The following PTCH1 variants were observed in gnomAD, a reference collection of about 807,000 sequenced individuals.
PTCH1 encodes protein patched homolog 1.
In PTCH1, 14 loss-of-function variants were observed where a neutral mutation model predicts 144.6. The ratio of observed to expected loss-of-function variants is 0.10; its 90% CI spans 0.06 to 0.15. The LOEUF is 0.15. PTCH1 is among the 10% of genes least tolerant of loss of function. The pLI, the probability that PTCH1 is intolerant of heterozygous loss-of-function variation, is 1.00. For synonymous variants in PTCH1, 833 were observed against 793.6 expected (o/e 1.05, Z -0.83); for missense variants, 1,623 against 1,948.3 (o/e 0.83, Z 3.14).
intron 2 of PTCH1, among the ~76,000 whole-genome samples, chr9:95,486,608 C>A (rs1047055287): frequency 2.0e-5 from 3 of 152,246 alleles, no homozygotes; most frequent in Non-Finnish European, 4.4e-5. Flanking sequence ...CTGCCCAGGC[C>A]GAGAAGTCCT....
intron 12 of PTCH1, among the ~76,000 whole-genome samples, chr9:95,475,275 CCT>C (rs1428429956): frequency 6.6e-6 from 1 of 152,122 alleles, no homozygotes; most frequent in African/African-American, 2.4e-5. Flanking sequence ...TAGAAAATAC[CCT>C]GACGGCCTCT....
intron 2 of PTCH1, among the ~76,000 whole-genome samples, chr9:95,504,626 G>A (rs1354296942): frequency 6.6e-6 from 1 of 152,026 alleles, no homozygotes; most frequent in Non-Finnish European, 1.5e-5. Flanking sequence ...TTCTGTCCTA[G>A]AATCTACGGC....
intron 22 of PTCH1, among the ~76,000 whole-genome samples, chr9:95,447,786 G>A (rs1030079796): frequency 3.5e-4 from 53 of 152,226 alleles, no homozygotes; most frequent in Admixed American, 3.5e-3. Context: ...TGCAGGCTCT[G>A]AGCTGCCCCT....
rs1365396085 is a variant in PTCH1 at position 95,443,080 on chromosome 9, G to GTTAAC, written c.*3308_*3312dup. The GTTAAC allele has an allele frequency of 6.6e-6, 1 of 152,172 alleles. No individual in the cohort carries two copies. Among genetic ancestry groups the GTTAAC allele is most frequent in the East Asian group, 1.9e-4 (1 of 5,198 alleles). 9.4% of individuals were successfully genotyped at this position (152,172 alleles called of 1,614,324 possible). On this transcript the variant is annotated 3_prime_UTR_variant, in exon 24 of 24. Transcript: ENST00000331920. The stretch of plus-strand genomic sequence containing the variant: ...GATGACAGAAGGACTAATTTTGATG[G>GTTAAC]TTAACTTAGGAAGTTTCTTGGTATG...
At chr9:95,505,711 T>C (rs1843526124) in intron 2 of PTCH1, among the ~76,000 whole-genome samples, 1 of 149,042 alleles carries the variant, frequency 6.7e-6, no homozygotes, top group Non-Finnish European at 1.5e-5. Context: ...GAAACATTAA[T>C]CTACTTTGCA....
Position 95,456,725 on chromosome 9 carries a change from T to C in PTCH1, c.3169-312A>G, listed in dbSNP as rs374932123. Among the ~76,000 whole-genome samples the C allele has an allele frequency of 3.6e-4, 55 of 152,084 alleles. 1 individual carries two copies. The highest frequency in any genetic ancestry group is 1.3e-3 in the African/African-American group (53 of 41,408). On this transcript the variant is annotated intron_variant, in intron 18 of 23. Coordinates refer to ENST00000331920, the MANE Select transcript of PTCH1 (RefSeq NM_000264.5). Reference sequence around the variant, plus strand: ...CTCCACCAGCGCAATCCACGAGGAATTGCACAAGCATGGCCGCATCACTTA... The same window carrying C: ...CTCCACCAGCGCAATCCACGAGGAACTGCACAAGCATGGCCGCATCACTTA...
chr9:95,465,868 G>A (rs1839951931), intron 15 of PTCH1, among the ~76,000 whole-genome samples: 2 of 152,196 alleles, frequency 1.3e-5, no homozygotes, highest in African/African-American at 2.4e-5. Context: ...TAATTATCCT[G>A]ATTCTCTACT....
chr9:95,508,069 G>A (rs1464138189), intron 1 of PTCH1, 92 bp downstream of exon 1: 9 of 1,579,056 alleles, frequency 5.7e-6, no homozygotes, highest in East Asian at 4.6e-5. Flanking sequence ...GAGAGAGAGA[G>A]GAAGAGAGTG....
chr9:95,482,908 TAATGAATGAATGA>T (rs1300760844), intron 3 of PTCH1: 1 of 152,656 alleles, frequency 6.6e-6, no homozygotes, highest in African/African-American at 2.4e-5. Flanking sequence ...CCTATCTCTA[TAATGAATGAATGA>T]AATGAATGAA....
chr9:95,505,626 A>C (rs917014237), intron 2 of PTCH1, among the ~76,000 whole-genome samples: 5 of 152,118 alleles, frequency 3.3e-5, no homozygotes, highest in African/African-American at 4.8e-5. Flanking sequence ...GCGTTCTTAA[A>C]ACATTTCTTT....
Position 95,449,117 on chromosome 9 carries a change from G to A in PTCH1, c.3756C>T (p.His1252=), listed in dbSNP as rs768484663. 5 of 1,614,222 alleles carry A rather than the reference G, an allele frequency of 3.1e-6. No individual in the cohort carries two copies. The East Asian group carries it at 8.9e-5, about 29-fold the overall frequency. The part of the protein sequence containing the change: ...EAQQGAGGPA[H]QVIVEATENP... ...TTTCTGTGGCTTCCACGATCACTTG[G>A]TGGGCAGGGCCTCCCGCGCCCTGCT... Residue 1252 remains histidine (H), a synonymous_variant, in exon 22 of 24, where the codon CAC becomes CAT. Coordinates refer to ENST00000331920, the MANE Select transcript of PTCH1 (RefSeq NM_000264.5). The surrounding 1 kb of genome is among the most constrained non-coding windows in gnomAD (Gnocchi z 5.3).
chr9:95,508,183 A>G lies in PTCH1; in HGVS notation c.179T>C (p.Phe60Ser). ...LHRPSYCDAA[F>S]ALEQISKGKA... ...CACCTTGGAAATCTGCTCCAGAGCG[A>G]AGGCGGCGTCGCAGTAGCTGGGCCG... Residue 60 changes from phenylalanine to serine, a missense_variant, in exon 1 of 24, where the codon TTC (phenylalanine) becomes TCC (serine). By Grantham distance (155) the Phe-to-Ser change is radical. Around this residue, in one of 7 missense-constraint regions of PTCH1, gnomAD observed 245 missense variants for 240.6 expected, o/e 1.02. Transcript: ENST00000331920. 6.2e-7 allele frequency: 1 copy of G among 1,612,706 alleles called. No homozygotes were observed. Among genetic ancestry groups the G allele is most frequent in the Non-Finnish European group, 8.5e-7 (1 of 1,179,752 alleles).
At position 95,447,022 on chromosome 9, in the gene PTCH1, G is replaced by A. The variant is rs1554688130; in HGVS notation, c.4234C>T (p.Pro1412Ser). The A allele has an allele frequency of 6.2e-7, 1 of 1,614,214 alleles. No individual in the cohort carries two copies. The highest frequency in any genetic ancestry group is 8.5e-7 in the Non-Finnish European group (1 of 1,180,044). Residue 1412 changes from proline (P) to serine (S), a missense_variant, in exon 23 of 24, where the codon CCC becomes TCC. By Grantham distance (74) the Pro-to-Ser change is moderately conservative (BLOSUM62 -1). Transcript: ENST00000331920. ...CACCGGACGTGGAAAGGCACGTGGG[G>A]GTCCTCAAACAGGCCGTGGTCAGTC... The part of the protein sequence containing the change: ...PETDHGLFED[P>S]HVPFHVRCER...
At position 95,444,497 on chromosome 9, in the gene PTCH1, A is replaced by ACACG. The variant is rs767899913; in HGVS notation, c.*1892_*1895dup. The ACACG allele has an allele frequency of 3.9e-3, 557 of 144,234 alleles. 3 individuals carry two copies. The highest frequency in any genetic ancestry group is 8.2e-3 in the South Asian group (41 of 5,022). The allele number at this position is 144,234 out of a possible 1,614,324, so 8.9% of individuals were successfully genotyped here. On this transcript the variant is annotated 3_prime_UTR_variant, in exon 24 of 24. Coordinates refer to ENST00000331920, the MANE Select transcript of PTCH1 (RefSeq NM_000264.5). ...CAGGGTCCCCAGCAGAGACACACAC[A>ACACG]CACGCACGCACGCACACACACACAC...
In PTCH1 at chr9:95,449,225, G is replaced by A. The variant is rs377608291; in HGVS notation, c.3648C>T (p.Ser1216=). The A allele has an allele frequency of 3.4e-5, 55 of 1,595,260 alleles. No homozygotes were observed. The East Asian group carries it at 3.6e-4, about 11-fold the overall frequency. ...ACTCCGAGTCGGAGGAATCAGACCC[G>A]CTGTGCGTGTGGCCGGGCGGCATGG... ...RFAMPPGHTH[S]GSDSSDSEYS... is the part of the protein sequence containing the mutation. Residue 1216 remains serine (S), a synonymous_variant, in exon 22 of 24, where the codon AGC becomes AGT. Coordinates refer to ENST00000331920, the MANE Select transcript of PTCH1 (RefSeq NM_000264.5). The surrounding 1 kb of genome is among the most constrained non-coding windows in gnomAD (Gnocchi z 5.3).
At chr9:95,478,296 T>A (rs1254852784) in intron 8 of PTCH1, 110 bp from the exon 9 acceptor site, 2 of 1,523,808 alleles carry the variant, frequency 1.3e-6, no homozygotes, top group Non-Finnish European at 1.8e-6. Flanking sequence ...TTCTGATGCA[T>A]TTTTTAAAAA....
chr9:95,478,757 A>T (rs937559057), intron 8 of PTCH1, among the ~76,000 whole-genome samples: 2 of 152,140 alleles, frequency 1.3e-5, no homozygotes, highest in Non-Finnish European at 2.9e-5. Flanking sequence ...TATGTGCTTT[A>T]GTTCTGGAAT....
chr9:95,506,162 T>G, intron 2 of PTCH1: 40 of 248,830 alleles, frequency 1.6e-4, no homozygotes, highest in East Asian at 5.6e-4. Flanking sequence ...CGCGCCCCCG[T>G]CCCGCCCCCG....
exon 1 of PTCH1, chr9:95,516,859 A>G (rs1360427514): frequency 1.9e-6 from 3 of 1,540,190 alleles, no homozygotes; most frequent in Non-Finnish European, 2.6e-6. Context: ...CATAGGCAGG[A>G]CCTGTCAGGG....
Sources: allele counts gnomAD v4.1 joint callset (sites outside exome capture counted in the v4.1 genomes callset), GRCh38; gene constraint gnomAD v4.1.1; regional missense constraint gnomAD v4.1.1; non-coding constraint Gnocchi (gnomAD v3.1); transcripts MANE v1.5; gene names NCBI Gene and HGNC (gene_info 2026-07-23, HGNC 2026-07-21).